The following GOLGA1 variants were observed in gnomAD, a reference collection of about 807,000 sequenced individuals.
GOLGA1 encodes the protein golgin subfamily A member 1.
In GOLGA1, 63 loss-of-function variants were observed where a neutral mutation model predicts 119.7. The ratio of observed to expected loss-of-function variants is 0.53; its 90% CI spans 0.43 to 0.65. The LOEUF (loss-of-function observed/expected upper bound fraction) is 0.65. Ranked by LOEUF, GOLGA1 falls within the 30% of genes least tolerant of loss-of-function variation. The probability of loss-of-function intolerance (pLI) is 0.00; values close to 1 mark genes in which losing one functional copy is unlikely to be tolerated. For missense variants in GOLGA1, 798 were observed against 912.8 expected, an observed-to-expected ratio of 0.87 and a Z score of 1.62; for synonymous variants, 318 against 333.4, an observed-to-expected ratio of 0.95 and a Z score of 0.50.
intron 15 of GOLGA1, among the ~76,000 whole-genome samples, chr9:124,895,712 CTCCACAACACAGAACCA>C (rs1564326890): frequency 1.3e-5 from 2 of 150,624 alleles, no homozygotes; most frequent in Non-Finnish European, 3.0e-5. Context: ...ACACAGAACC[CTCCACAACACAGAACCA>C]TCCACAACAG....
rs1421872168 is a variant in GOLGA1 at position 124,926,823 on chromosome 9, A to G, written c.400-82T>C. ...GATTTTCAGAAAACAAAACAACCCA[A>G]CTCTTCCCAGAAAGCAACTAACCAA... On this transcript the variant is annotated intron_variant, in intron 6 of 22. Coordinates refer to ENST00000373555, the MANE Select transcript of GOLGA1 (RefSeq NM_002077.4). The G allele has an allele frequency of 3.8e-5, 26 of 686,908 alleles. No individual in the cohort carries two copies. The East Asian group carries it at 7.5e-4, about 20-fold the overall frequency. The allele number at this position is 686,908 out of a possible 1,614,324, so 42.6% of individuals were successfully genotyped here. A position where few individuals can be genotyped will look rare whatever the true frequency, so the allele number is the denominator to read the frequency against.
chr9:124,902,791 G>A (rs1413802572), intron 12 of GOLGA1, among the ~76,000 whole-genome samples: 1 of 152,140 alleles, frequency 6.6e-6, no homozygotes, highest in African/African-American at 2.4e-5. Context: ...GTCCAGCCAA[G>A]GAGAGGACGT....
chr9:124,940,161 T>C lies in GOLGA1; in HGVS notation c.-205-6A>G, dbSNP rs578177009. On this transcript the variant is annotated splice_region_variant and splice_polypyrimidine_tract_variant and intron_variant, in intron 1 of 22. Transcript: ENST00000373555. ...GGAGGTCAAAGCATTCTGTCCTGCA[T>C]GAAGACAAAGATAAAATGCATTGGG... 1.3e-5 allele frequency: 2 copies of C among 152,172 alleles called. No individual in the cohort carries two copies. Among genetic ancestry groups the C allele is most frequent in the Admixed American group, 1.3e-4 (2 of 15,270 alleles). 9.4% of individuals were successfully genotyped at this position (152,172 alleles called of 1,614,324 possible). A position where few individuals can be genotyped will look rare whatever the true frequency, so the allele number is the denominator to read the frequency against.
upstream of GOLGA1, chr9:124,942,825 T>C (rs551057239): frequency 6.6e-6 from 1 of 152,356 alleles, no homozygotes; most frequent in South Asian, 2.1e-4. Flanking sequence ...GTTTCAGTTT[T>C]CATCCTCTAG....
intron 10 of GOLGA1, among the ~76,000 whole-genome samples, chr9:124,915,563 T>C (rs1162055071): frequency 6.6e-6 from 1 of 152,124 alleles, no homozygotes; most frequent in Non-Finnish European, 1.5e-5. Context: ...TAAATGTATT[T>C]ATGGTGCTGA....
intron 12 of GOLGA1, among the ~76,000 whole-genome samples, chr9:124,907,120 G>C (rs1432619552): frequency 6.6e-6 from 1 of 152,102 alleles, no homozygotes; most frequent in Non-Finnish European, 1.5e-5. Context: ...TATCACTATA[G>C]TAATAAAAAC....
chr9:124,922,224 T>A (rs1288143532), intron 8 of GOLGA1, among the ~76,000 whole-genome samples: 2 of 138,520 alleles, frequency 1.4e-5, no homozygotes, highest in Non-Finnish European at 3.1e-5. Context: ...CTAGGCTCCA[T>A]CTCAAAAAAA....
In GOLGA1 at chr9:124,923,122, C is replaced by G. The variant is rs756713702; in HGVS notation, c.534G>C (p.Gln178His). The change falls in exon 8 of 23, where the codon CAG (glutamine) becomes CAC (histidine). Residue 178 changes from glutamine (Q) to histidine (H), a missense_variant. By Grantham distance (24) the Gln-to-His change is conservative. Coordinates refer to ENST00000373555, the MANE Select transcript of GOLGA1 (RefSeq NM_002077.4). ...TGTGCTTTATTTTACTTAGTTCCTG[C>G]TGCTGGAACCCCTCTAATTCATCCA... ...DEMDELEGFQQQELSKIKHML... is the reference protein window; with the variant it reads ...DEMDELEGFQHQELSKIKHML... The G allele has an allele frequency of 6.2e-7, 1 of 1,609,032 alleles. No homozygotes were observed. The highest frequency in any genetic ancestry group is 8.5e-7 in the Non-Finnish European group (1 of 1,177,052).
In GOLGA1 at chr9:124,908,772, T is replaced by C. The variant is rs547588710; in HGVS notation, c.970-300A>G. On this transcript the variant is annotated intron_variant, in intron 11 of 22. Coordinates refer to ENST00000373555, the MANE Select transcript of GOLGA1 (RefSeq NM_002077.4). ...GAGATACTCCCTGCCACAGGGCAGG[T>C]AGGCAGCTTTAGAACTCACAAAGTC... 3.9e-5 allele frequency among the ~76,000 whole-genome samples: 6 copies of C among 152,320 alleles called. No homozygotes were observed. The East Asian group carries it at 5.8e-4, about 15-fold the overall frequency.
At chr9:124,924,849 G>A (rs913520307) in intron 7 of GOLGA1, among the ~76,000 whole-genome samples, 1 of 150,740 alleles carries the variant, frequency 6.6e-6, no homozygotes, top group Non-Finnish European at 1.5e-5. Flanking sequence ...GGAGGCCGAG[G>A]CAGACAGATC....
At chr9:124,916,128 A>AATAC (rs1554769751) in intron 10 of GOLGA1, among the ~76,000 whole-genome samples, 29 of 151,144 alleles carry the variant, frequency 1.9e-4, no homozygotes, top group South Asian at 4.2e-4. Flanking sequence ...TAAATAAATA[A>AATAC]ATACATAAAT....
chr9:124,911,856 C>G (rs777332981), intron 11 of GOLGA1, 45 bp downstream of exon 11: 2 of 1,576,432 alleles, frequency 1.3e-6, no homozygotes, highest in Non-Finnish European at 1.7e-6. Flanking sequence ...CCAGAATCAA[C>G]CCTGCCTTTC....
chr9:124,911,492 C>G (rs2131452197), intron 11 of GOLGA1, among the ~76,000 whole-genome samples: 1 of 152,330 alleles, frequency 6.6e-6, no homozygotes, highest in South Asian at 2.1e-4. Flanking sequence ...AACAGCCTCC[C>G]TTGGGAAGGA....
intron 18 of GOLGA1, 55 bp downstream of exon 18, chr9:124,889,088 C>T (rs187179502): frequency 9.6e-6 from 14 of 1,454,108 alleles, no homozygotes; most frequent in Admixed American, 7.2e-5. Flanking sequence ...GGGGCACTCT[C>T]GGCACCTGCC....
intron 1 of GOLGA1, among the ~76,000 whole-genome samples, 198 bp from the exon 2 acceptor site, chr9:124,940,353 G>C (rs1830982257): frequency 6.6e-6 from 1 of 152,132 alleles, no homozygotes; most frequent in Admixed American, 6.5e-5. Flanking sequence ...TTTTGCCTAA[G>C]AGCTTCACTT....
intron 3 of GOLGA1, among the ~76,000 whole-genome samples, chr9:124,933,708 C>G (rs1479124485): frequency 6.6e-6 from 1 of 152,192 alleles, no homozygotes; most frequent in Non-Finnish European, 1.5e-5. Flanking sequence ...AGCCACCCTG[C>G]CTGGCCTGGA....
chr9:124,915,717 T>C (rs1274060089), intron 10 of GOLGA1, among the ~76,000 whole-genome samples: 1 of 152,036 alleles, frequency 6.6e-6, no homozygotes, highest in African/African-American at 2.4e-5. Flanking sequence ...CAAAAAAGGT[T>C]GAGGTTGCAG....
intron 10 of GOLGA1, among the ~76,000 whole-genome samples, chr9:124,917,692 C>T (rs978129416): frequency 4.6e-5 from 7 of 152,074 alleles, no homozygotes; most frequent in African/African-American, 7.2e-5. Flanking sequence ...TCTTCTAGTT[C>T]CTTGAATGTG....
At chr9:124,900,692 C>A in intron 12 of GOLGA1, 145 bp from the exon 13 acceptor site, 1 of 504,094 alleles carries the variant, frequency 2.0e-6, no homozygotes, top group Non-Finnish European at 3.5e-6. Context: ...ATAAGTCTAC[C>A]ATTATAAAAC....
Sources: allele counts gnomAD v4.1 joint callset (sites outside exome capture counted in the v4.1 genomes callset), GRCh38; gene constraint gnomAD v4.1.1; transcripts MANE v1.5; gene names NCBI Gene and HGNC (gene_info 2026-07-23, HGNC 2026-07-21).